Variants in LDLRAD3 observed in about 807,000 individuals in gnomAD.
The protein encoded by LDLRAD3 is low density lipoprotein receptor class A domain containing 3.
Under a neutral mutation model 29.4 loss-of-function variants are expected in LDLRAD3, and 20 were observed. The ratio of observed to expected loss-of-function variants is 0.68; its 90% confidence interval spans 0.48 to 0.99. The LOEUF (loss-of-function observed/expected upper bound fraction) is 0.99, where lower values mean the gene tolerates loss of function less well. Among genes scored for constraint, LDLRAD3 ranks in the 50% least tolerant of loss-of-function variants. LDLRAD3 has a pLI of 0.00. For missense variants in LDLRAD3, 420 were observed against 454.3 expected (o/e 0.92, Z 0.69); for synonymous variants, 157 against 192.7 (o/e 0.81, Z 1.53).
intron 3 of LDLRAD3, among the ~76,000 whole-genome samples, chr11:36,091,875 G>C (rs1462759217): frequency 2.6e-5 from 4 of 152,086 alleles, no homozygotes; most frequent in African/African-American, 7.2e-5. Context: ...CTATTTCCAG[G>C]GTCCTGGACC....
chr11:36,222,290 C>T (rs905064386), intron 4 of LDLRAD3, among the ~76,000 whole-genome samples: 75 of 152,212 alleles, frequency 4.9e-4, no homozygotes, highest in African/African-American at 1.7e-3. Flanking sequence ...CCCTATGTTG[C>T]CCAGGCTGGT....
intron 1 of LDLRAD3, among the ~76,000 whole-genome samples, chr11:35,999,774 G>A (rs1195667588): frequency 6.6e-6 from 1 of 152,200 alleles, no homozygotes; most frequent in Non-Finnish European, 1.5e-5. Flanking sequence ...CTGTGGTGCT[G>A]TCAGCCATGG....
At chr11:36,018,087 T>G (rs1488293626) in intron 1 of LDLRAD3, among the ~76,000 whole-genome samples, 2 of 152,350 alleles carry the variant, frequency 1.3e-5, no homozygotes, top group Middle Eastern at 3.4e-3. Flanking sequence ...CCTCAAAAGT[T>G]GATGTGGATG....
chr11:36,144,354 G>A (rs1343880802), intron 4 of LDLRAD3, among the ~76,000 whole-genome samples: 18 of 145,964 alleles, frequency 1.2e-4, no homozygotes, highest in Non-Finnish European at 2.3e-4. Flanking sequence ...CCGCCACCCC[G>A]TCTGGGAAGT....
At chr11:36,007,938 A>G (rs767293390) in intron 1 of LDLRAD3, among the ~76,000 whole-genome samples, 2 of 152,200 alleles carry the variant, frequency 1.3e-5, no homozygotes, top group Non-Finnish European at 2.9e-5. Flanking sequence ...AAGATGAAAT[A>G]AAGTTTAGGC....
At chr11:36,028,055 G>A (rs779575259) in intron 1 of LDLRAD3, among the ~76,000 whole-genome samples, 2 of 152,210 alleles carry the variant, frequency 1.3e-5, no homozygotes, top group Non-Finnish European at 2.9e-5. Context: ...GCAAGCGCTT[G>A]CAAAAGTTCT....
At chr11:35,968,991 A>G (rs1034238550) in intron 1 of LDLRAD3, among the ~76,000 whole-genome samples, 4 of 152,250 alleles carry the variant, frequency 2.6e-5, no homozygotes, top group South Asian at 4.1e-4. Context: ...CTAAGTGCAT[A>G]TGGTGTGCGT....
intron 1 of LDLRAD3, chr11:35,967,019 C>T (rs1851350672): frequency 5.3e-6 from 1 of 188,342 alleles, no homozygotes; most frequent in Non-Finnish European, 1.2e-5. Context: ...AGTTCAGAGG[C>T]TCATGCTGTC....
intron 1 of LDLRAD3, among the ~76,000 whole-genome samples, chr11:36,001,483 A>C (rs1415957127): frequency 6.6e-6 from 1 of 152,204 alleles, no homozygotes; most frequent in Non-Finnish European, 1.5e-5. Flanking sequence ...TTACCTGAGT[A>C]GTTTCTTTAT....
intron 1 of LDLRAD3, among the ~76,000 whole-genome samples, chr11:35,963,534 C>G (rs774310820): frequency 2.0e-5 from 3 of 152,156 alleles, no homozygotes; most frequent in Non-Finnish European, 4.4e-5. Flanking sequence ...GGCTTTGCCA[C>G]CCGATTAAAG....
chr11:35,999,744 C>T (rs1851799905), intron 1 of LDLRAD3, among the ~76,000 whole-genome samples: 3 of 152,180 alleles, frequency 2.0e-5, no homozygotes, highest in Admixed American at 1.3e-4. Flanking sequence ...CTGGAAATCT[C>T]CTGTTGGATC....
intron 4 of LDLRAD3, among the ~76,000 whole-genome samples, chr11:36,133,778 C>G (rs1800882887): frequency 6.6e-6 from 1 of 151,780 alleles, no homozygotes; most frequent in South Asian, 2.1e-4. Flanking sequence ...ACCTTGTGAT[C>G]CGCCTGCCTC....
Position 36,089,873 on chromosome 11 carries a change from A to G in LDLRAD3, c.319+8095A>G, listed in dbSNP as rs1853254117. Among the ~76,000 whole-genome samples the G allele has an allele frequency of 1.3e-5, 2 of 151,660 alleles. 1 individual carries two copies. The highest frequency in any genetic ancestry group is 4.2e-4 in the South Asian group (2 of 4,810). Reference sequence around the variant, plus strand: ...GCTATCCTCCCACTTCAGCAACCTGAAGTGCTGGGACTACAGGCTTGAGCC... The same window carrying G: ...GCTATCCTCCCACTTCAGCAACCTGGAGTGCTGGGACTACAGGCTTGAGCC... On this transcript the variant is annotated intron_variant, in intron 3 of 5. Coordinates refer to ENST00000315571, the MANE Select transcript of LDLRAD3 (RefSeq NM_174902.4).
At chr11:36,015,938 C>T (rs1260399108) in intron 1 of LDLRAD3, among the ~76,000 whole-genome samples, 2 of 152,192 alleles carry the variant, frequency 1.3e-5, no homozygotes, top group African/African-American at 2.4e-5. Context: ...CAGCAGAAAT[C>T]GTGGCCTGAT....
At chr11:36,222,619 A>AT (rs1446618070) in intron 4 of LDLRAD3, among the ~76,000 whole-genome samples, 1 of 151,956 alleles carries the variant, frequency 6.6e-6, no homozygotes, top group Non-Finnish European at 1.5e-5. Context: ...GGAGGAGGGG[A>AT]TTTTTTTGGA....
intron 2 of LDLRAD3, among the ~76,000 whole-genome samples, chr11:36,066,155 A>G (rs1257848296): frequency 5.6e-5 from 8 of 143,684 alleles, no homozygotes; most frequent in Admixed American, 1.4e-4. Context: ...CTCTTCACTC[A>G]TTTTCTTTTT....
At chr11:36,122,548 C>A (rs1325263109) in intron 4 of LDLRAD3, among the ~76,000 whole-genome samples, 2 of 152,104 alleles carry the variant, frequency 1.3e-5, no homozygotes, top group Non-Finnish European at 2.9e-5. Context: ...GTGGTTACTG[C>A]ATGACGATGA....
In LDLRAD3 at chr11:35,976,638, T is replaced by C. The variant is rs560770792; in HGVS notation, c.46+32494T>C. Among the ~76,000 whole-genome samples the C allele has an allele frequency of 4.2e-3, 637 of 152,136 alleles. 4 individuals carry two copies. The highest frequency in any genetic ancestry group is 0.01 in the Middle Eastern group (3 of 294). On this transcript the variant is annotated intron_variant, in intron 1 of 5. Coordinates refer to ENST00000315571, the MANE Select transcript of LDLRAD3 (RefSeq NM_174902.4). ...ACTTCATTCATCATGAAACTTACTA[T>C]GTTCCAGGCATCGTGTTAGTCACTT... is the stretch of plus-strand genomic sequence containing the variant.
intron 4 of LDLRAD3, among the ~76,000 whole-genome samples, chr11:36,139,904 T>C (rs1411109128): frequency 6.6e-6 from 1 of 152,176 alleles, no homozygotes; most frequent in Non-Finnish European, 1.5e-5. Context: ...GAATGTGCTG[T>C]GGGTTTAGAG....
Sources: allele counts gnomAD v4.1 joint callset (sites outside exome capture counted in the v4.1 genomes callset), GRCh38; gene constraint gnomAD v4.1.1; transcripts MANE v1.5; gene names NCBI Gene and HGNC (gene_info 2026-07-23, HGNC 2026-07-21).